ATCAY: variants seen among roughly 807,000 people sequenced by gnomAD.
ATCAY encodes caytaxin.
Under a neutral mutation model 47.7 loss-of-function variants are expected in ATCAY, and 22 were observed. The observed-to-expected ratio is 0.46, with a 90% CI of 0.33 to 0.66. The LOEUF (loss-of-function observed/expected upper bound fraction) is 0.66. Among genes scored for constraint, ATCAY ranks in the 30% least tolerant of loss-of-function variants. The pLI is 0.02. For synonymous variants in ATCAY, 216 were observed against 207.6 expected (o/e 1.04, Z -0.35); for missense variants, 452 against 515.0 (o/e 0.88, Z 1.18).
intron 10 of ATCAY, 27 bp downstream of exon 10, chr19:3,917,804 G>A: frequency 6.2e-7 from 1 of 1,606,360 alleles, no homozygotes. Context: ...TTCTGCTGGG[G>A]CTGGGTCGGG....
At position 3,926,866 on chromosome 19, in the gene ATCAY, G is replaced by C. The variant is rs1332887496; in HGVS notation, c.*2274G>C. 3 of 152,164 alleles carry C rather than the reference G, an allele frequency of 2.0e-5. No individual in the cohort carries two copies. The highest frequency in any genetic ancestry group is 2.0e-4 in the Admixed American group (3 of 15,272). 9.4% of individuals were successfully genotyped at this position (152,164 alleles called of 1,614,324 possible). A position where few individuals can be genotyped will look rare whatever the true frequency, so the allele number is the denominator to read the frequency against. ...CCAAATGTCAAATCCCGGGCACAGG[G>C]GCAAGACCCTGTCCCGAATTCCCAC... On this transcript the variant is annotated 3_prime_UTR_variant, in exon 13 of 13. Transcript: ENST00000450849.
intron 3 of ATCAY, among the ~76,000 whole-genome samples, chr19:3,904,165 CA>C (rs977708036): frequency 6.6e-6 from 1 of 150,602 alleles, no homozygotes; most frequent in Non-Finnish European, 1.5e-5. Context: ...CAAAACAAAA[CA>C]AAAAAAGATT....
At chr19:3,884,286 C>CTAAATAAATAAA (rs113861636) in intron 1 of ATCAY, among the ~76,000 whole-genome samples, 2,874 of 151,578 alleles carry the variant, frequency 0.019, 100 homozygotes, top group African/African-American at 0.066. Flanking sequence ...GACCCCGTCT[C>CTAAATAAATAAA]TAAATAAATA....
At chr19:3,886,974 G>A (rs1028135134) in intron 2 of ATCAY, among the ~76,000 whole-genome samples, 2 of 151,936 alleles carry the variant, frequency 1.3e-5, no homozygotes, top group Non-Finnish European at 2.9e-5. Flanking sequence ...GAGCCACCGC[G>A]CCCGGCCCCT....
intron 11 of ATCAY, among the ~76,000 whole-genome samples, chr19:3,919,720 C>G (rs1315683665): frequency 6.6e-6 from 1 of 150,810 alleles, no homozygotes; most frequent in East Asian, 1.9e-4. Context: ...TATGACTGCA[C>G]TCCAGCCTGG....
At chr19:3,903,207 C>T (rs1599285995) in intron 3 of ATCAY, among the ~76,000 whole-genome samples, 1 of 152,200 alleles carries the variant, frequency 6.6e-6, no homozygotes, top group South Asian at 2.1e-4. Flanking sequence ...CTCCTGGGCT[C>T]AAGCCATCTT....
At chr19:3,920,838 A>T (rs779341454) in intron 12 of ATCAY, 40 bp downstream of exon 12, 2 of 1,610,564 alleles carry the variant, frequency 1.2e-6, no homozygotes, top group South Asian at 2.2e-5. Flanking sequence ...TGTTTTCAAA[A>T]TGTCCTTCAT....
chr19:3,887,599 G>T (rs995642587), intron 2 of ATCAY, among the ~76,000 whole-genome samples: 1 of 150,956 alleles, frequency 6.6e-6, no homozygotes. Context: ...CCATTCTCCT[G>T]CCTCAGCCTC....
chr19:3,926,415 A>C lies in ATCAY; in HGVS notation c.*1823A>C, dbSNP rs2039066918. 6.6e-6 allele frequency: 1 copy of C among 152,228 alleles called. No homozygotes were observed. Among genetic ancestry groups the C allele is most frequent in the African/African-American group, 2.4e-5 (1 of 41,458 alleles). The allele number at this position is 152,228 out of a possible 1,614,324, so 9.4% of individuals were successfully genotyped here. A position where few individuals can be genotyped will look rare whatever the true frequency, so the allele number is the denominator to read the frequency against. On this transcript the variant is annotated 3_prime_UTR_variant, in exon 13 of 13. Coordinates refer to ENST00000450849, the MANE Select transcript of ATCAY (RefSeq NM_033064.5). ...CTATCAGTCTGAGCAGACGGTGAGT[A>C]GGGCGGGCACATTCTCCAGGCCCTT... is the stretch of plus-strand genomic sequence containing the variant.
intron 2 of ATCAY, among the ~76,000 whole-genome samples, chr19:3,888,763 C>T (rs968176320): frequency 6.6e-6 from 1 of 152,108 alleles, no homozygotes; most frequent in Non-Finnish European, 1.5e-5. Context: ...TTGAAGTAAT[C>T]GGTCTCCTTC....
At position 3,925,033 on chromosome 19, in the gene ATCAY, G is replaced by A. The variant is rs117035326; in HGVS notation, c.*441G>A. ...CCACCGCCACCCCGGCTGGGTCTGC[G>A]TCCTTTCCTGTGCCTTTCCCTCCAG... On this transcript the variant is annotated 3_prime_UTR_variant, in exon 13 of 13. Coordinates refer to ENST00000450849, the MANE Select transcript of ATCAY (RefSeq NM_033064.5). This position sits in a 1 kb window ranked among gnomAD's most constrained non-coding sequence, Gnocchi z 4.4. 38 of 163,542 alleles carry A rather than the reference G, an allele frequency of 2.3e-4. No homozygotes were observed. Among genetic ancestry groups the A allele is most frequent in the Non-Finnish European group, 3.5e-4 (26 of 74,754 alleles). The allele number at this position is 163,542 out of a possible 1,614,324, so 10.1% of individuals were successfully genotyped here.
At chr19:3,919,929 A>G (rs913143734) in intron 11 of ATCAY, among the ~76,000 whole-genome samples, 5 of 152,120 alleles carry the variant, frequency 3.3e-5, no homozygotes, top group Admixed American at 1.3e-4. Context: ...GCCTTGGCCA[A>G]TTTCCTCAAA....
chr19:3,924,047 A>G (rs1268658571), intron 12 of ATCAY, among the ~76,000 whole-genome samples: 1 of 121,690 alleles, frequency 8.2e-6, no homozygotes, highest in Non-Finnish European at 1.7e-5. Flanking sequence ...CAGATGGATC[A>G]ATGGATAGGT....
At chr19:3,910,943 G>GTGTGTGTATGCATGCA in intron 8 of ATCAY, 54 bp downstream of exon 8, 1 of 1,561,724 alleles carries the variant, frequency 6.4e-7, no homozygotes, top group Non-Finnish European at 8.8e-7. Flanking sequence ...GCGTGTGTGC[G>GTGTGTGTATGCATGCA]TGTGTGTATG....
chr19:3,913,884 G>A (rs1182868100), intron 9 of ATCAY, 28 bp downstream of exon 9: 14 of 1,578,298 alleles, frequency 8.9e-6, no homozygotes, highest in Admixed American at 3.4e-5. Flanking sequence ...CCACCCCGCC[G>A]TATTAGTCTG....
In ATCAY at chr19:3,907,542, C is replaced by T. The variant is rs1340364252; in HGVS notation, c.359-192C>T. 1.3e-5 allele frequency among the ~76,000 whole-genome samples: 2 copies of T among 152,148 alleles called. No homozygotes were observed. The highest frequency in any genetic ancestry group is 2.9e-5 in the Non-Finnish European group (2 of 68,020). On this transcript the variant is annotated intron_variant, in intron 4 of 12. Transcript: ENST00000450849. This position sits in a 1 kb window ranked among gnomAD's most constrained non-coding sequence, Gnocchi z 5.1. ...GTCCAGAAAGGCTTCCTGGAGGAGGCGGCATTTGAGCCAGGCCTTGAAAGG... is the reference window on the plus strand; with the variant it reads ...GTCCAGAAAGGCTTCCTGGAGGAGGTGGCATTTGAGCCAGGCCTTGAAAGG...
chr19:3,889,906 C>G (rs1012914553), intron 2 of ATCAY, among the ~76,000 whole-genome samples: 16 of 151,932 alleles, frequency 1.1e-4, no homozygotes, highest in Non-Finnish European at 1.5e-5. Flanking sequence ...GCTTAGCTCC[C>G]TTTCCCCCTA....
At position 3,890,693 on chromosome 19, in the gene ATCAY, G is replaced by C. The variant is rs1394511269; in HGVS notation, c.77+4849G>C. On this transcript the variant is annotated intron_variant, in intron 2 of 12. Transcript: ENST00000450849. ...GCGAGGCCAGCGGGAGCGGGAGGAG[G>C]GTGTGTTTCTGGTGGATTTCTTACA... is the stretch of plus-strand genomic sequence containing the variant. Among the ~76,000 whole-genome samples the C allele has an allele frequency of 2.0e-5, 3 of 152,164 alleles. No homozygotes were observed. The East Asian group carries it at 5.8e-4, about 29-fold the overall frequency.
rs2039080704 is a variant in ATCAY at position 3,927,793 on chromosome 19, G to A, written c.*3201G>A. 1 of 152,270 alleles carries A rather than the reference G, an allele frequency of 6.6e-6. No individual in the cohort carries two copies. The allele number at this position is 152,270 out of a possible 1,614,324, so 9.4% of individuals were successfully genotyped here. A position where few individuals can be genotyped will look rare whatever the true frequency, so the allele number is the denominator to read the frequency against. On this transcript the variant is annotated 3_prime_UTR_variant, in exon 13 of 13. Coordinates refer to ENST00000450849, the MANE Select transcript of ATCAY (RefSeq NM_033064.5). ...GCCACGACCTGCACCGTCCACAGAT[G>A]GGCTTTGAGATGGATTTGTATCAGG...
Sources: allele counts gnomAD v4.1 joint callset (sites outside exome capture counted in the v4.1 genomes callset), GRCh38; gene constraint gnomAD v4.1.1; non-coding constraint Gnocchi (gnomAD v3.1); transcripts MANE v1.5; gene names NCBI Gene and HGNC (gene_info 2026-07-23, HGNC 2026-07-21).